The following TRPV1 variants were observed in gnomAD, a reference collection of about 807,000 sequenced individuals.
TRPV1 encodes the protein transient receptor potential cation channel subfamily V member 1, also known as OTRPC1.
Under a neutral mutation model 82.3 loss-of-function variants are expected in TRPV1, and 82 were observed. That is an observed-to-expected ratio of 1.00 (90% CI 0.83 to 1.20). The LOEUF is 1.20. Among genes scored for constraint, TRPV1 ranks in the 50% most tolerant of loss-of-function variants. The pLI is 0.00. For missense variants in TRPV1, 1,067 were observed against 1,096.8 expected, an observed-to-expected ratio of 0.97 and a Z score of 0.38; for synonymous variants, 515 against 467.7, an observed-to-expected ratio of 1.10 and a Z score of -1.30.
At chr17:3,568,272 A>G (rs2074801817) in intron 16 of TRPV1, among the ~76,000 whole-genome samples, 1 of 151,080 alleles carries the variant, frequency 6.6e-6, no homozygotes, top group African/African-American at 2.4e-5. Context: ...CAGTGAGCCA[A>G]GATTGCGCCA....
At chr17:3,594,145 A>G (rs2075194867) in intron 2 of TRPV1, among the ~76,000 whole-genome samples, 1 of 124,148 alleles carries the variant, frequency 8.1e-6, no homozygotes, top group Non-Finnish European at 1.5e-5. Context: ...AAAAAAAAAA[A>G]AAAAAAAGAA....
At chr17:3,577,418 G>GA (rs2074947976) in intron 12 of TRPV1, among the ~76,000 whole-genome samples, 180 bp downstream of exon 12, 1 of 152,118 alleles carries the variant, frequency 6.6e-6, no homozygotes, top group Non-Finnish European at 1.5e-5. Flanking sequence ...GGTTTCAGGG[G>GA]ACCCCCCTAC....
At chr17:3,593,122 GTGTGTGTGTGTGTGTC>G (rs1278587500) in intron 2 of TRPV1, among the ~76,000 whole-genome samples, 1,842 of 61,404 alleles carry the variant, frequency 0.03, 34 homozygotes, top group African/African-American at 0.15. Flanking sequence ...GTGTGTGTGT[GTGTGTGTGTGTGTGTC>G]TGTGTGTCTC....
chr17:3,609,342 A>AGAGAGAGAGAGAGAGG lies in TRPV1; in HGVS notation c.-207_-206insCCTCTCTCTCTCTCTC. On this transcript the variant is annotated 5_prime_UTR_variant, in exon 1 of 17. Coordinates refer to ENST00000572705, the MANE Select transcript of TRPV1 (RefSeq NM_080704.4). ...GATACTGAGAGAGAGAGAGAGAGAG[A>AGAGAGAGAGAGAGAGG]GAGAGAGAATACGACTGCTTCCCAA... The AGAGAGAGAGAGAGAGG allele has an allele frequency of 6.6e-6, 1 of 152,136 alleles. No individual in the cohort carries two copies. The highest frequency in any genetic ancestry group is 2.4e-5 in the African/African-American group (1 of 41,444). 9.4% of individuals were successfully genotyped at this position (152,136 alleles called of 1,614,324 possible).
At chr17:3,606,292 C>T (rs553750495) in intron 2 of TRPV1, among the ~76,000 whole-genome samples, 3 of 152,298 alleles carry the variant, frequency 2.0e-5, no homozygotes, top group African/African-American at 7.2e-5. Context: ...CTGCACGTCC[C>T]TCGCTGGTTG....
intron 8 of TRPV1, among the ~76,000 whole-genome samples, chr17:3,587,789 G>C (rs1269976525): frequency 6.6e-6 from 1 of 151,338 alleles, no homozygotes; most frequent in Non-Finnish European, 1.5e-5. Flanking sequence ...CTCCAGCCTG[G>C]GTAACAAGAG....
intron 15 of TRPV1, among the ~76,000 whole-genome samples, chr17:3,571,842 A>G (rs2074858084): frequency 6.6e-6 from 1 of 152,156 alleles, no homozygotes; most frequent in South Asian, 2.1e-4. Context: ...GGGACTTCAC[A>G]TATTGGATGC....
chr17:3,580,036 CCGCCCCCCA>C (rs1197088337), intron 11 of TRPV1, among the ~76,000 whole-genome samples: 1 of 151,336 alleles, frequency 6.6e-6, no homozygotes, highest in Non-Finnish European at 1.5e-5. Context: ...CCGCCCCGCC[CCGCCCCCCA>C]ACCACCACAA....
chr17:3,574,675 A>C (rs1176753322), intron 13 of TRPV1, among the ~76,000 whole-genome samples: 2 of 152,168 alleles, frequency 1.3e-5, no homozygotes, highest in Non-Finnish European at 2.9e-5. Context: ...GAGGCCGGGC[A>C]TGGTGGCTCA....
At chr17:3,567,074 C>A in intron 16 of TRPV1, 87 bp from the exon 17 acceptor site, 1 of 1,473,832 alleles carries the variant, frequency 6.8e-7, no homozygotes, top group African/African-American at 1.4e-5. Flanking sequence ...AAAGGAGGTC[C>A]AAGACAGGCA....
At chr17:3,577,337 G>A (rs2074947003) in intron 12 of TRPV1, 145 bp from the exon 13 acceptor site, 2 of 941,018 alleles carry the variant, frequency 2.1e-6, no homozygotes, top group African/African-American at 1.6e-5. Flanking sequence ...GGTCATGAGG[G>A]AGTCACCCAC....
chr17:3,577,990 G>A (rs2074957284), intron 11 of TRPV1: 6 of 512,324 alleles, frequency 1.2e-5, no homozygotes, highest in Non-Finnish European at 2.1e-5. Flanking sequence ...CACTCTTTAT[G>A]TATAAAGCAC....
At position 3,573,764 on chromosome 17, in the gene TRPV1, C is replaced by A; in HGVS notation, c.1972G>T (p.Ala658Ser). 6.2e-7 allele frequency: 1 copy of A among 1,613,926 alleles called. No individual in the cohort carries two copies. Among genetic ancestry groups the A allele is most frequent in the Non-Finnish European group, 8.5e-7 (1 of 1,179,964 alleles). Residue 658 changes from alanine to serine, a missense_variant, in exon 14 of 17, where the codon GCT (alanine) becomes TCT (serine). Coordinates refer to ENST00000572705, the MANE Select transcript of TRPV1 (RefSeq NM_080704.4). ...GCCAGCAGCAGGATGATGAAGACAG[C>A]CTTGAAGTCATAGTTCTCAGTGAAC... ...LEFTENYDFK[A>S]VFIILLLAYV...
intron 11 of TRPV1, chr17:3,578,864 C>T (rs9902155): frequency 0.31 from 46,855 of 151,954 alleles, 7,334 homozygotes; most frequent in South Asian, 0.36. Context: ...AATGAAATCA[C>T]GTCCTTTGCA....
rs2075155515 is a variant in TRPV1 at position 3,591,358 on chromosome 17, G to A, written c.285-5C>T. The A allele has an allele frequency of 6.4e-7, 1 of 1,564,478 alleles. No homozygotes were observed. Among genetic ancestry groups the A allele is most frequent in the Non-Finnish European group, 8.6e-7 (1 of 1,157,824 alleles). ...ACAGAGTCCTGGGACAGCAGCCTGT[G>A]GGCCAGAAAACACGCTCGTCTCATA... is the stretch of plus-strand genomic sequence containing the variant. On this transcript the variant is annotated splice_region_variant and splice_polypyrimidine_tract_variant and intron_variant, in intron 3 of 16. Coordinates refer to ENST00000572705, the MANE Select transcript of TRPV1 (RefSeq NM_080704.4).
Position 3,591,068 on chromosome 17 carries a change from T to G in TRPV1, c.500A>C (p.His167Pro), listed in dbSNP as rs1295333087. 1.2e-6 allele frequency: 2 copies of G among 1,613,082 alleles called. No homozygotes were observed. Among genetic ancestry groups the G allele is most frequent in the Non-Finnish European group, 1.7e-6 (2 of 1,179,654 alleles). The part of the protein sequence containing the change: ...TCLLKAMLNL[H>P]DGQNTTIPLL... Reference sequence around the variant, plus strand: ...GGGGATGGTGGTGTTCTGTCCGTCGTGCAGGTTGAGCATGGCTTTCAGCAG... The same window carrying G: ...GGGGATGGTGGTGTTCTGTCCGTCGGGCAGGTTGAGCATGGCTTTCAGCAG... The change falls in exon 5 of 17, where the codon CAC becomes CCC. Residue 167 changes from histidine (H) to proline (P), a missense_variant. His to Pro is a moderately conservative substitution (Grantham distance 77). Transcript: ENST00000572705.
intron 11 of TRPV1, among the ~76,000 whole-genome samples, chr17:3,579,611 G>T (rs1265505571): frequency 1.3e-5 from 2 of 152,170 alleles, no homozygotes; most frequent in African/African-American, 2.4e-5. Context: ...GAGTAGCTGG[G>T]ATTACAGGTG....
intron 11 of TRPV1, 21 bp from the exon 12 acceptor site, chr17:3,577,784 A>G (rs1231508507): frequency 6.3e-6 from 10 of 1,578,482 alleles, no homozygotes; most frequent in Admixed American, 5.5e-5. Flanking sequence ...AGGGGCAGAA[A>G]GCTCCGTCTA....
chr17:3,592,444 C>T, intron 2 of TRPV1, 61 bp from the exon 3 acceptor site: 1 of 1,434,760 alleles, frequency 7.0e-7, no homozygotes, highest in Non-Finnish European at 9.2e-7. Context: ...CCTTAGACCC[C>T]ACCTGCCCTC....
Sources: allele counts gnomAD v4.1 joint callset (sites outside exome capture counted in the v4.1 genomes callset), GRCh38; gene constraint gnomAD v4.1.1; transcripts MANE v1.5; gene names NCBI Gene and HGNC (gene_info 2026-07-23, HGNC 2026-07-21).